Variants in PXDN observed in about 807,000 individuals in gnomAD.
PXDN encodes peroxidasin homolog.
Under a neutral mutation model 140.3 loss-of-function variants are expected in PXDN, and 77 were observed. The ratio of observed to expected loss-of-function variants is 0.55; its 90% CI spans 0.46 to 0.66. The LOEUF is 0.66. PXDN is among the 30% of genes least tolerant of loss of function. The probability of loss-of-function intolerance (pLI) is 0.00; values close to 1 mark genes in which losing one functional copy is unlikely to be tolerated. For synonymous variants in PXDN, 911 were observed against 857.4 expected, an observed-to-expected ratio of 1.06 and a Z score of -1.09; for missense variants, 1,838 against 2,039.5, an observed-to-expected ratio of 0.90 and a Z score of 1.90.
intron 21 of PXDN, among the ~76,000 whole-genome samples, chr2:1,638,418 C>T (rs1226716909): frequency 1.3e-5 from 2 of 152,120 alleles, no homozygotes; most frequent in Non-Finnish European, 2.9e-5. Flanking sequence ...TTCCTCACAC[C>T]CGGAGAGGCT....
rs566508541 is a variant in PXDN at position 1,648,759 on chromosome 2, C to T, written c.3021G>A (p.Pro1007=). 2 of 1,603,590 alleles carry T rather than the reference C, an allele frequency of 1.2e-6. No individual in the cohort carries two copies. Among genetic ancestry groups the T allele is most frequent in the South Asian group, 2.2e-5 (2 of 88,988 alleles). The change falls in exon 17 of 23, where the codon CCG becomes CCA. Residue 1007 remains proline (P), a synonymous_variant. Coordinates refer to ENST00000252804, the MANE Select transcript of PXDN (RefSeq NM_012293.3). This position sits in a 1 kb window ranked among gnomAD's most constrained non-coding sequence, Gnocchi z 8.9. ...RIATELLKLN[P]HWDGDTIYYE... ...AGTAGATGGTGTCGCCGTCCCAGTGCGGGTTCAGCTTGAGCAGCTCCGTGG... is the reference window on the plus strand; with the variant it reads ...AGTAGATGGTGTCGCCGTCCCAGTGTGGGTTCAGCTTGAGCAGCTCCGTGG...
Position 1,660,921 on chromosome 2 carries a change from G to A in PXDN, c.1797C>T (p.Thr599=). 1 of 1,613,794 alleles carries A rather than the reference G, an allele frequency of 6.2e-7. No homozygotes were observed. Among genetic ancestry groups the A allele is most frequent in the East Asian group, 2.2e-5 (1 of 44,892 alleles). ...CCATGCTCACCGAGGCCGACCCAAT[G>A]GTGTTCCGGGCCACACACTCATAGC... ...AGRYECVARN[T]IGSASVSMVL... is the part of the protein sequence containing the mutation. Residue 599 remains threonine (T), a synonymous_variant, in exon 14 of 23, where the codon ACC becomes ACT. Transcript: ENST00000252804. The surrounding 1 kb of genome is among the most constrained non-coding windows in gnomAD (Gnocchi z 4.6).
At chr2:1,675,242 C>T (rs778388797) in intron 8 of PXDN, among the ~76,000 whole-genome samples, 17 of 152,116 alleles carry the variant, frequency 1.1e-4, no homozygotes, top group Non-Finnish European at 2.2e-4. Context: ...TAAGGCCAGC[C>T]GGCAGGTGAG....
At position 1,685,573 on chromosome 2, in the gene PXDN, TC is replaced by T. The variant is rs1684033951; in HGVS notation, c.417-1423del. On this transcript the variant is annotated intron_variant, in intron 4 of 22. Coordinates refer to ENST00000252804, the MANE Select transcript of PXDN (RefSeq NM_012293.3). The surrounding 1 kb of genome is among the most constrained non-coding windows in gnomAD (Gnocchi z 5.1). ...TCAGTGCAGGCAGGCAGGGGTGGAG[TC>T]CCCCAAGCAAAGCCCAGAAGGATGA... 6.7e-6 allele frequency among the ~76,000 whole-genome samples: 1 copy of T among 149,068 alleles called. No individual in the cohort carries two copies. Among genetic ancestry groups the T allele is most frequent in the Non-Finnish European group, 1.5e-5 (1 of 67,266 alleles).
intron 1 of PXDN, among the ~76,000 whole-genome samples, chr2:1,703,121 A>G (rs1348088195): frequency 1.9e-4 from 1 of 5,130 alleles, no homozygotes; most frequent in Admixed American, 2.7e-3. Context: ...TGAAGGGGGG[A>G]CAGCTCCAGG....
intron 1 of PXDN, among the ~76,000 whole-genome samples, chr2:1,698,003 C>G (rs1209702127): frequency 6.6e-6 from 1 of 152,170 alleles, no homozygotes; most frequent in African/African-American, 2.4e-5. Context: ...TAACATCAGG[C>G]AGGGCATCCA....
intron 9 of PXDN, among the ~76,000 whole-genome samples, chr2:1,673,027 G>A (rs1174465159): frequency 6.6e-6 from 1 of 152,114 alleles, no homozygotes; most frequent in Non-Finnish European, 1.5e-5. Context: ...GCCTCAATCC[G>A]CTGTTCTTCA....
chr2:1,668,792 G>A (rs1047402998), intron 9 of PXDN, among the ~76,000 whole-genome samples: 5 of 152,138 alleles, frequency 3.3e-5, no homozygotes, highest in Non-Finnish European at 7.4e-5. Flanking sequence ...TAAAAAGTCT[G>A]GAAACAACAG....
intron 4 of PXDN, among the ~76,000 whole-genome samples, chr2:1,686,473 A>G (rs1024482114): frequency 2.6e-5 from 4 of 152,166 alleles, no homozygotes; most frequent in African/African-American, 9.7e-5. Context: ...CTCACCCAGC[A>G]CAAAGCCAGA....
At chr2:1,666,763 G>A (rs534242853) in intron 9 of PXDN, among the ~76,000 whole-genome samples, 12 of 152,120 alleles carry the variant, frequency 7.9e-5, no homozygotes, top group African/African-American at 1.2e-4. Flanking sequence ...AACATGTGCC[G>A]AACTCCATGG....
intron 1 of PXDN, among the ~76,000 whole-genome samples, chr2:1,695,967 G>A (rs1572166918): frequency 6.9e-6 from 1 of 145,028 alleles, no homozygotes; most frequent in Non-Finnish European, 1.5e-5. Flanking sequence ...GCACCTGAGA[G>A]GTGGCCTAGA....
At chr2:1,715,333 G>A (rs78609086) in intron 1 of PXDN, among the ~76,000 whole-genome samples, 1,570 of 152,184 alleles carry the variant, frequency 0.01, 16 homozygotes, top group African/African-American at 0.016. Context: ...AAGTATGTCC[G>A]GGAAAATACT....
chr2:1,679,719 C>CTG (rs565815199), intron 7 of PXDN, among the ~76,000 whole-genome samples: 71 of 111,990 alleles, frequency 6.3e-4, no homozygotes, highest in South Asian at 1.4e-3. Context: ...TCTATAAATG[C>CTG]TGTGTGTGTG....
intron 19 of PXDN, among the ~76,000 whole-genome samples, chr2:1,641,840 G>A (rs151119351): frequency 2.1e-4 from 32 of 152,336 alleles, no homozygotes; most frequent in Non-Finnish European, 4.0e-4. Flanking sequence ...GCAGCTAACA[G>A]GGGCCTGGTA....
At chr2:1,730,421 G>A (rs1420061853) in intron 1 of PXDN, among the ~76,000 whole-genome samples, 1 of 152,216 alleles carries the variant, frequency 6.6e-6, no homozygotes, top group East Asian at 1.9e-4. Flanking sequence ...GGGATGGGCA[G>A]TTGAGGGGTC....
At chr2:1,736,300 G>A (rs770666987) in intron 1 of PXDN, among the ~76,000 whole-genome samples, 12 of 152,134 alleles carry the variant, frequency 7.9e-5, no homozygotes, top group Non-Finnish European at 1.6e-4. Context: ...TAAGGGACAT[G>A]CAACTCTTCC....
At chr2:1,729,588 AGTC>A (rs1454261269) in intron 1 of PXDN, among the ~76,000 whole-genome samples, 1 of 152,054 alleles carries the variant, frequency 6.6e-6, no homozygotes, top group Non-Finnish European at 1.5e-5. Context: ...GAGGGATAAA[AGTC>A]TACACGTTGG....
At chr2:1,709,235 G>A (rs185254722) in intron 1 of PXDN, among the ~76,000 whole-genome samples, 41 of 152,226 alleles carry the variant, frequency 2.7e-4, no homozygotes, top group Admixed American at 6.5e-4. Flanking sequence ...TGTTCGGTGA[G>A]GAGGAGGCCA....
At chr2:1,722,434 T>C (rs1685074631) in intron 1 of PXDN, among the ~76,000 whole-genome samples, 1 of 152,166 alleles carries the variant, frequency 6.6e-6, no homozygotes, top group Non-Finnish European at 1.5e-5. Flanking sequence ...AATGCATGGG[T>C]TATCCCAGCA....
Sources: allele counts gnomAD v4.1 joint callset (sites outside exome capture counted in the v4.1 genomes callset), GRCh38; gene constraint gnomAD v4.1.1; non-coding constraint Gnocchi (gnomAD v3.1); transcripts MANE v1.5; gene names NCBI Gene and HGNC (gene_info 2026-07-23, HGNC 2026-07-21).